The following SLC25A32 variants were observed in gnomAD, a reference collection of about 807,000 sequenced individuals.
SLC25A32 encodes the protein solute carrier family 25 member 32.
In SLC25A32, 32 loss-of-function variants were observed where a neutral mutation model predicts 39.0. The observed-to-expected ratio is 0.82, with a 90% CI of 0.62 to 1.10. SLC25A32 has a LOEUF of 1.10. SLC25A32 is among the 50% of genes least tolerant of loss of function. The pLI is 0.00. For synonymous variants in SLC25A32, 166 were observed against 152.4 expected, an observed-to-expected ratio of 1.09 and a Z score of -0.66; for missense variants, 367 against 395.3, an observed-to-expected ratio of 0.93 and a Z score of 0.61.
chr8:103,399,984 T>C lies in SLC25A32; in HGVS notation c.*427A>G, dbSNP rs1816182233. 6.0e-6 allele frequency: 1 copy of C among 165,292 alleles called. No individual in the cohort carries two copies. Among genetic ancestry groups the C allele is most frequent in the Admixed American group, 6.3e-5 (1 of 15,820 alleles). The allele number at this position is 165,292 out of a possible 1,614,324, so 10.2% of individuals were successfully genotyped here. On this transcript the variant is annotated 3_prime_UTR_variant, in exon 7 of 7. Transcript: ENST00000297578. ...TTATTCAGTAAATCCTTAATTTACC[T>C]TGAGACATACAAAGACATTCTTTTA...
In SLC25A32 at chr8:103,399,467, A is replaced by T. The variant is rs1000526592; in HGVS notation, c.*944T>A. The T allele has an allele frequency of 1.3e-5, 2 of 152,224 alleles. No individual in the cohort carries two copies. The highest frequency in any genetic ancestry group is 2.9e-5 in the Non-Finnish European group (2 of 68,038). 9.4% of individuals were successfully genotyped at this position (152,224 alleles called of 1,614,324 possible). A position where few individuals can be genotyped will look rare whatever the true frequency, so the allele number is the denominator to read the frequency against. The stretch of plus-strand genomic sequence containing the variant: ...ATTATGGAAGTCTCTGGGGAAAAAA[A>T]ATAGCAATGGAATGACAATAGATGT... On this transcript the variant is annotated 3_prime_UTR_variant, in exon 7 of 7. Transcript: ENST00000297578.
intron 1 of SLC25A32, 91 bp downstream of exon 1, chr8:103,414,693 C>T (rs1422826704): frequency 1.3e-6 from 2 of 1,556,028 alleles, no homozygotes; most frequent in Admixed American, 1.8e-5. Flanking sequence ...CCCTTCAACG[C>T]TCCTCCTCCC....
intron 2 of SLC25A32, among the ~76,000 whole-genome samples, chr8:103,405,215 A>G (rs1485801701): frequency 1.3e-5 from 2 of 152,218 alleles, no homozygotes; most frequent in Non-Finnish European, 2.9e-5. Flanking sequence ...ACAAATATAT[A>G]CTGAGCACCT....
In SLC25A32 at chr8:103,400,356, A is replaced by G; in HGVS notation, c.*55T>C. ...AGAATTCTTCTTTTATGCCTTAAAC[A>G]CAAAAGAGCTTGTTGCTGCCTTGGG... On this transcript the variant is annotated 3_prime_UTR_variant, in exon 7 of 7. Transcript: ENST00000297578. 1 of 1,600,632 alleles carries G rather than the reference A, an allele frequency of 6.2e-7. No homozygotes were observed. The highest frequency in any genetic ancestry group is 8.5e-7 in the Non-Finnish European group (1 of 1,172,348).
intron 3 of SLC25A32, 58 bp downstream of exon 3, chr8:103,404,718 C>T (rs999189569): frequency 2.3e-6 from 3 of 1,295,184 alleles, no homozygotes; most frequent in Non-Finnish European, 3.3e-6. Context: ...AAATCAAAAA[C>T]CAAAACTGAA....
chr8:103,407,967 ATATAT>A (rs1816371798), intron 1 of SLC25A32, among the ~76,000 whole-genome samples, 183 bp from the exon 2 acceptor site: 1 of 147,464 alleles, frequency 6.8e-6, no homozygotes, highest in Non-Finnish European at 1.5e-5. Flanking sequence ...AAATATATAT[ATATAT>A]AAATATGTAA....
intron 2 of SLC25A32, 62 bp from the exon 3 acceptor site, chr8:103,404,923 G>C (rs1816296957): frequency 1.7e-6 from 2 of 1,190,478 alleles, no homozygotes; most frequent in Non-Finnish European, 2.5e-6. Flanking sequence ...GTTTTAAAGT[G>C]TATGTAAGTC....
chr8:103,414,994 C>A lies in SLC25A32; in HGVS notation c.-57G>T. 1 of 1,582,292 alleles carries A rather than the reference C, an allele frequency of 6.3e-7. No individual in the cohort carries two copies. Among genetic ancestry groups the A allele is most frequent in the South Asian group, 1.1e-5 (1 of 88,230 alleles). On this transcript the variant is annotated 5_prime_UTR_variant, in exon 1 of 7. Coordinates refer to ENST00000297578, the MANE Select transcript of SLC25A32 (RefSeq NM_030780.5). ...AGGGCCGCGGAGGTGGGACGCGATG[C>A]AGTGGCCGCCACCGTGGCGACGGTC...
intron 1 of SLC25A32, among the ~76,000 whole-genome samples, chr8:103,410,337 C>T (rs1047923465): frequency 5.9e-5 from 9 of 152,144 alleles, no homozygotes; most frequent in African/African-American, 1.7e-4. Flanking sequence ...CCTAGGTGGG[C>T]GGAGTACGAG....
At chr8:103,403,409 T>TAAAAAAAAAA (rs11447002) in intron 3 of SLC25A32, 85 bp from the exon 4 acceptor site, 1 of 237,710 alleles carries the variant, frequency 4.2e-6, no homozygotes, top group Non-Finnish European at 7.1e-6. Context: ...TACATTTATG[T>TAAAAAAAAAA]AAAAAAAAAA....
intron 3 of SLC25A32, among the ~76,000 whole-genome samples, chr8:103,404,446 T>G (rs1816282106): frequency 6.6e-6 from 1 of 151,812 alleles, no homozygotes; most frequent in African/African-American, 2.4e-5. Context: ...ATACAAAAAA[T>G]TAGCTGGGCG....
chr8:103,401,642 G>C lies in SLC25A32; in HGVS notation c.686C>G (p.Ser229Cys). The change falls in exon 6 of 7, where the codon TCT becomes TGT. Residue 229 changes from serine to cysteine, a missense_variant. Coordinates refer to ENST00000297578, the MANE Select transcript of SLC25A32 (RefSeq NM_030780.5). ...EAQLSTVEYISVAALSKIFAV... is the reference protein window; with the variant it reads ...EAQLSTVEYICVAALSKIFAV... ...AAATATTTTGGATAGTGCTGCAACA[G>C]ATATATATTCTACTGTGCTCTAAAA... The C allele has an allele frequency of 6.2e-7, 1 of 1,611,750 alleles. No individual in the cohort carries two copies. The highest frequency in any genetic ancestry group is 8.5e-7 in the Non-Finnish European group (1 of 1,178,938).
At chr8:103,402,739 C>T (rs2028084) in intron 4 of SLC25A32, 1 of 152,022 alleles carries the variant, frequency 6.6e-6, no homozygotes, top group Non-Finnish European at 1.5e-5. Context: ...TGATTTGTTT[C>T]GTTATTTTTA....
At position 103,415,025 on chromosome 8, in the gene SLC25A32, T is replaced by G. The variant is rs767072080; in HGVS notation, c.-88A>C. On this transcript the variant is annotated 5_prime_UTR_variant, in exon 1 of 7. Coordinates refer to ENST00000297578, the MANE Select transcript of SLC25A32 (RefSeq NM_030780.5). ...CCGCCACCGTGGCGACGGTCGCCCC[T>G]TGTGAGCGCAACCCCACCTCCGGGA... The G allele has an allele frequency of 2.6e-5, 41 of 1,592,538 alleles. No homozygotes were observed. Among genetic ancestry groups the G allele is most frequent in the Non-Finnish European group, 3.5e-5 (41 of 1,169,836 alleles).
At position 103,403,147 on chromosome 8, in the gene SLC25A32, T is replaced by C. The variant is rs751348116; in HGVS notation, c.552+17A>G. Reference sequence around the variant, plus strand: ...TCAAATTTTTCAGTTATTTAAAATATATTGATAATTTGTTACCTTATATAA... The same window carrying C: ...TCAAATTTTTCAGTTATTTAAAATACATTGATAATTTGTTACCTTATATAA... On this transcript the variant is annotated intron_variant, in intron 4 of 6. Transcript: ENST00000297578. 2.6e-6 allele frequency: 4 copies of C among 1,525,672 alleles called. No homozygotes were observed. Among genetic ancestry groups the C allele is most frequent in the Admixed American group, 3.7e-5 (2 of 53,932 alleles). The allele number at this position is 1,525,672 out of a possible 1,614,324, so 94.5% of individuals were successfully genotyped here. A position where few individuals can be genotyped will look rare whatever the true frequency, so the allele number is the denominator to read the frequency against.
chr8:103,404,933 C>G (rs952003822), intron 2 of SLC25A32, 72 bp from the exon 3 acceptor site: 16 of 988,626 alleles, frequency 1.6e-5, no homozygotes, highest in Non-Finnish European at 2.5e-5. Flanking sequence ...GTATGTAAGT[C>G]AACAGCAGTA....
chr8:103,403,206 A>G lies in SLC25A32; in HGVS notation c.510T>C (p.Leu170=), dbSNP rs151302529. The change falls in exon 4 of 7, where the codon CTT becomes CTC. Residue 170 remains leucine, a synonymous_variant. Coordinates refer to ENST00000297578, the MANE Select transcript of SLC25A32 (RefSeq NM_030780.5). ...CACCTTCATACTTATATATTTTCAC[A>G]AGTGTATCAAACATTCCTTTATATT... ...HRQYKGMFDT[L]VKIYKYEGVR... 67 of 1,611,648 alleles carry G rather than the reference A, an allele frequency of 4.2e-5. No homozygotes were observed. In the East Asian group the frequency reaches 1.5e-3, roughly 35 times the overall value.
chr8:103,408,994 C>G (rs1816400252), intron 1 of SLC25A32, among the ~76,000 whole-genome samples: 1 of 152,166 alleles, frequency 6.6e-6, no homozygotes, highest in South Asian at 2.1e-4. Context: ...ATAAATCTGG[C>G]ACTTTTCATT....
intron 1 of SLC25A32, among the ~76,000 whole-genome samples, chr8:103,413,174 C>A (rs1029778030): frequency 3.3e-5 from 5 of 152,208 alleles, no homozygotes; most frequent in Non-Finnish European, 5.9e-5. Flanking sequence ...TCCCTTTCCT[C>A]AGGAATGATA....
Sources: allele counts gnomAD v4.1 joint callset (sites outside exome capture counted in the v4.1 genomes callset), GRCh38; gene constraint gnomAD v4.1.1; transcripts MANE v1.5; gene names NCBI Gene and HGNC (gene_info 2026-07-23, HGNC 2026-07-21).